Variants in TTC28 observed in about 807,000 individuals in gnomAD.
TTC28 encodes tetratricopeptide repeat protein 28.
A neutral mutation model predicts 198.0 loss-of-function variants in TTC28; 61 were observed. The observed-to-expected ratio is 0.31, with a 90% CI of 0.25 to 0.38. The LOEUF is 0.38. Ranked by LOEUF, TTC28 falls within the 10% of genes least tolerant of loss-of-function variation. The pLI, the probability that TTC28 is intolerant of heterozygous loss-of-function variation, is 1.00. For missense variants in TTC28, 2,678 were observed against 3,164.0 expected (o/e 0.85, Z 3.69); for synonymous variants, 1,171 against 1,297.8 (o/e 0.90, Z 2.10).
At chr22:28,158,643 C>T (rs1010575755) in intron 6 of TTC28, among the ~76,000 whole-genome samples, 6 of 152,148 alleles carry the variant, frequency 3.9e-5, no homozygotes, top group Non-Finnish European at 8.8e-5. Context: ...GACAAAGGTG[C>T]CAAGAACATA....
chr22:28,470,506 G>A (rs1413482701), intron 2 of TTC28, among the ~76,000 whole-genome samples: 2 of 152,054 alleles, frequency 1.3e-5, no homozygotes, highest in Admixed American at 1.3e-4. Context: ...CTGCCTCCAA[G>A]GTCTAAAACA....
intron 2 of TTC28, among the ~76,000 whole-genome samples, chr22:28,367,934 T>C (rs2046273988): frequency 6.6e-6 from 1 of 151,968 alleles, no homozygotes; most frequent in Non-Finnish European, 1.5e-5. Context: ...AGCCTCCCAT[T>C]AAAGAAAGGC....
At chr22:28,211,984 G>A (rs9613575) in intron 5 of TTC28, among the ~76,000 whole-genome samples, 10,535 of 152,080 alleles carry the variant, frequency 0.069, 486 homozygotes, top group Admixed American at 0.14. Context: ...ACTCAAAACC[G>A]CTCAACTATA....
intron 1 of TTC28, among the ~76,000 whole-genome samples, chr22:28,660,712 C>T (rs1280947694): frequency 6.6e-6 from 1 of 151,856 alleles, no homozygotes; most frequent in Non-Finnish European, 1.5e-5. Context: ...TCAGTAGAGA[C>T]GGGGTTTCAC....
chr22:28,493,047 T>TAAAA lies in TTC28; in HGVS notation c.381+136501_381+136504dup, dbSNP rs750347534. 6.0e-5 allele frequency among the ~76,000 whole-genome samples: 4 copies of TAAAA among 66,378 alleles called. No homozygotes were observed. The South Asian group carries it at 1.5e-3, about 25-fold the overall frequency. 43.5% of individuals were successfully genotyped at this position (66,378 alleles called of 152,430 possible). A position where few individuals can be genotyped will look rare whatever the true frequency, so the allele number is the denominator to read the frequency against. On this transcript the variant is annotated intron_variant, in intron 2 of 22. Coordinates refer to ENST00000397906, the MANE Select transcript of TTC28 (RefSeq NM_001145418.2). Reference sequence around the variant, plus strand: ...ATTTAAGTCCAAGGGTTCACGATACTAAAAAAAAAAAAAAAAAAAAAAGTT... The same window carrying TAAAA: ...ATTTAAGTCCAAGGGTTCACGATACTAAAAAAAAAAAAAAAAAAAAAAAAAAGTT...
At chr22:28,164,676 A>C (rs10212040) in intron 5 of TTC28, among the ~76,000 whole-genome samples, 14,449 of 152,212 alleles carry the variant, frequency 0.095, 789 homozygotes, top group East Asian at 0.16. Flanking sequence ...AAGTAGATAA[A>C]ACCACAAAGA....
intron 19 of TTC28, 32 bp downstream of exon 19, chr22:27,992,555 G>A: frequency 4.5e-6 from 7 of 1,549,322 alleles, no homozygotes; most frequent in South Asian, 1.2e-5. Flanking sequence ...ATGGGCCTCA[G>A]GCCCTGGCTC....
chr22:27,999,128 C>A lies in TTC28; in HGVS notation c.4531G>T (p.Ala1511Ser), dbSNP rs1276906618. 1.3e-6 allele frequency: 2 copies of A among 1,550,430 alleles called. No homozygotes were observed. The highest frequency in any genetic ancestry group is 1.7e-6 in the Non-Finnish European group (2 of 1,147,004). Reference protein sequence around the residue: ...WGPMPSAEEEAYMVSELLGCQ... With the variant: ...WGPMPSAEEESYMVSELLGCQ... Reference sequence around the variant, plus strand: ...CCCAGCAGCTCGGACACCATGTAGGCCTCTTCCTCGGCCGATGGCATGGGC... The same window carrying A: ...CCCAGCAGCTCGGACACCATGTAGGACTCTTCCTCGGCCGATGGCATGGGC... Residue 1511 changes from alanine (A) to serine (S), a missense_variant, in exon 16 of 23, where the codon GCC (alanine) becomes TCC (serine). Physicochemically the swap from Ala to Ser is moderately conservative, Grantham distance 99. Around this residue, in one of 8 missense-constraint regions of TTC28, gnomAD observed 727 missense variants for 861.9 expected, o/e 0.84. Transcript: ENST00000397906.
At chr22:28,361,427 A>T (rs893005361) in intron 2 of TTC28, among the ~76,000 whole-genome samples, 4 of 152,162 alleles carry the variant, frequency 2.6e-5, no homozygotes, top group African/African-American at 9.7e-5. Flanking sequence ...CCTTAAGCCA[A>T]AGTCTAATTT....
chr22:28,416,939 A>C (rs1393769371), intron 2 of TTC28, among the ~76,000 whole-genome samples: 2 of 152,236 alleles, frequency 1.3e-5, no homozygotes, highest in African/African-American at 2.4e-5. Flanking sequence ...TCCATAGCAT[A>C]TCCATAATAT....
intron 12 of TTC28, among the ~76,000 whole-genome samples, chr22:28,050,136 G>C (rs545749708): frequency 6.6e-6 from 1 of 152,234 alleles, no homozygotes; most frequent in South Asian, 2.1e-4. Context: ...GAGGAGCTCA[G>C]GCACTTATCC....
chr22:28,028,009 C>T (rs2146623234), intron 13 of TTC28, among the ~76,000 whole-genome samples: 1 of 152,366 alleles, frequency 6.6e-6, no homozygotes, highest in African/African-American at 2.4e-5. Flanking sequence ...GGATGAAGGC[C>T]AGAACCCCCC....
chr22:28,330,100 A>C (rs977918200), intron 2 of TTC28, among the ~76,000 whole-genome samples: 1 of 152,220 alleles, frequency 6.6e-6, no homozygotes, highest in Non-Finnish European at 1.5e-5. Flanking sequence ...GGGATGGGGC[A>C]AATGAATTCT....
intron 2 of TTC28, among the ~76,000 whole-genome samples, chr22:28,522,839 A>G (rs114680203): frequency 0.016 from 2,425 of 152,250 alleles, 86 homozygotes; most frequent in African/African-American, 0.056. Context: ...CAGAGACAGA[A>G]AGTAGATTAG....
At chr22:28,240,063 A>T (rs1272430643) in intron 5 of TTC28, among the ~76,000 whole-genome samples, 2 of 152,228 alleles carry the variant, frequency 1.3e-5, no homozygotes, top group East Asian at 3.8e-4. Context: ...AATGAATCTG[A>T]CTGTATTTCA....
At position 28,613,005 on chromosome 22, in the gene TTC28, A is replaced by T. The variant is rs1014772355; in HGVS notation, c.381+16547T>A. ...ATCAGAGCAGAACTGAAGGAGATAG[A>T]GACATGAAAAACCCTTCAAAAAATC... On this transcript the variant is annotated intron_variant, in intron 2 of 22. Coordinates refer to ENST00000397906, the MANE Select transcript of TTC28 (RefSeq NM_001145418.2). Among the ~76,000 whole-genome samples the T allele has an allele frequency of 5.3e-5, 8 of 152,190 alleles. 1 individual carries two copies. The highest frequency in any genetic ancestry group is 1.2e-4 in the Non-Finnish European group (8 of 68,038).
intron 13 of TTC28, among the ~76,000 whole-genome samples, chr22:28,020,778 AACAC>A (rs34174077): frequency 1.9e-4 from 29 of 148,970 alleles, no homozygotes; most frequent in Admixed American, 5.4e-4. Flanking sequence ...CCCCTCCCCC[AACAC>A]ACACACACAC....
At position 28,679,686 on chromosome 22, in the gene TTC28, T is replaced by G. The variant is rs1461034659; in HGVS notation, c.38A>C (p.Gln13Pro). 7.6e-7 allele frequency: 1 copy of G among 1,317,734 alleles called. No individual in the cohort carries two copies. Among genetic ancestry groups the G allele is most frequent in the Non-Finnish European group, 9.6e-7 (1 of 1,037,140 alleles). The allele number at this position is 1,317,734 out of a possible 1,614,324, so 81.6% of individuals were successfully genotyped here. A position where few individuals can be genotyped will look rare whatever the true frequency, so the allele number is the denominator to read the frequency against. The change falls in exon 1 of 23, where the codon CAA becomes CCA. Residue 13 changes from glutamine to proline, a missense_variant. Coordinates refer to ENST00000397906, the MANE Select transcript of TTC28 (RefSeq NM_001145418.2). ...QSPPPAPEPT[Q>P]GPTPARSRRR... ...TCGGCTCCTTGCGGGGGTCGGCCCT[T>G]GGGTCGGCTCGGGCGCCGGCGGCGG... is the stretch of plus-strand genomic sequence containing the variant.
rs138635 is a variant in TTC28, at chr22:27,981,230, A to ATTTTTTTTTTTTTTTTTTTTTTT, written c.*968_*990dup. ...TGGTTAAATCTAGTTAGCCATGGAA[A>ATTTTTTTTTTTTTTTTTTTTTTT]TTTTTTTTTTTTTTTTTTTTTTTTT... On this transcript the variant is annotated 3_prime_UTR_variant, in exon 23 of 23. Transcript: ENST00000397906. The ATTTTTTTTTTTTTTTTTTTTTTT allele has an allele frequency of 4.1e-5, 2 of 48,218 alleles. 1 individual carries two copies. Among genetic ancestry groups the ATTTTTTTTTTTTTTTTTTTTTTT allele is most frequent in the Non-Finnish European group, 8.4e-5 (2 of 23,834 alleles). 3.0% of individuals were successfully genotyped at this position (48,218 alleles called of 1,614,324 possible). A position where few individuals can be genotyped will look rare whatever the true frequency, so the allele number is the denominator to read the frequency against.
Sources: gnomAD v4.1 joint callset for allele counts (sites outside exome capture counted in the v4.1 genomes callset) on GRCh38, gnomAD v4.1.1 for gene constraint, gnomAD v4.1.1 regional missense constraint, MANE v1.5 for transcripts, NCBI Gene and HGNC (gene_info 2026-07-23, HGNC 2026-07-21) for gene names.